Variants in STARD13 observed in about 807,000 individuals in gnomAD.
STARD13 encodes StAR related lipid transfer domain containing 13.
A neutral mutation model predicts 106.4 loss-of-function variants in STARD13; 62 were observed. The observed-to-expected ratio is 0.58, with a 90% CI of 0.48 to 0.72. STARD13 has a LOEUF of 0.72. Ranked by LOEUF, STARD13 falls within the 30% of genes least tolerant of loss-of-function variation. The pLI, the probability that STARD13 is intolerant of heterozygous loss-of-function variation, is 0.00. For synonymous variants in STARD13, 565 were observed against 553.0 expected, an observed-to-expected ratio of 1.02 and a Z score of -0.31; for missense variants, 1,387 against 1,424.0, an observed-to-expected ratio of 0.97 and a Z score of 0.42.
intron 1 of STARD13, among the ~76,000 whole-genome samples, chr13:33,242,682 C>T (rs1444284361): frequency 6.6e-6 from 1 of 151,938 alleles, no homozygotes; most frequent in Non-Finnish European, 1.5e-5. Context: ...GCTGACCTTC[C>T]CTCCACTATT....
chr13:33,662,170 G>A, the STARD13 span, among the ~76,000 whole-genome samples: 2 of 151,628 alleles, frequency 1.3e-5, no homozygotes, highest in African/African-American at 4.9e-5. Context: ...GCTGAGGCAG[G>A]AGAATGGCGT....
chr13:33,240,924 C>A (rs1889454875), intron 1 of STARD13, among the ~76,000 whole-genome samples: 1 of 152,092 alleles, frequency 6.6e-6, no homozygotes, highest in Non-Finnish European at 1.5e-5. Flanking sequence ...TTGTATCATG[C>A]AGCTTTGCTG....
chr13:33,309,886 C>G (rs1343394882), intron 1 of STARD13, among the ~76,000 whole-genome samples: 2 of 152,096 alleles, frequency 1.3e-5, no homozygotes, highest in African/African-American at 2.4e-5. Flanking sequence ...AAGCTCTGAC[C>G]CACCTGTTCC....
chr13:33,449,350 T>C, the STARD13 span, among the ~76,000 whole-genome samples: 1 of 152,220 alleles, frequency 6.6e-6, no homozygotes, highest in Non-Finnish European at 1.5e-5. Flanking sequence ...CACTATTTAT[T>C]GAAGAGACAT....
the STARD13 span, among the ~76,000 whole-genome samples, chr13:33,365,581 A>G: frequency 6.6e-6 from 1 of 152,214 alleles, no homozygotes; most frequent in African/African-American, 2.4e-5. Context: ...GAGTGAACAC[A>G]AGATTATCTA....
chr13:33,527,698 C>T, the STARD13 span, among the ~76,000 whole-genome samples: 19 of 151,840 alleles, frequency 1.3e-4, no homozygotes, highest in East Asian at 3.7e-3. Flanking sequence ...TAGGTAACCC[C>T]TTTGTTTAAA....
chr13:33,579,541 A>G, the STARD13 span, among the ~76,000 whole-genome samples: 3,351 of 152,002 alleles, frequency 0.022, 112 homozygotes, highest in African/African-American at 0.077. Context: ...GTACACAGCT[A>G]GGGTGACAGG....
chr13:33,585,839 A>G, the STARD13 span, among the ~76,000 whole-genome samples: 2 of 152,256 alleles, frequency 1.3e-5, no homozygotes, highest in Admixed American at 1.3e-4. Context: ...CAGATATAAA[A>G]GGAAAATATT....
In STARD13 at chr13:33,104,509, C is replaced by G. The variant is rs1403563368; in HGVS notation, c.*1084G>C. The G allele has an allele frequency of 1.3e-5, 2 of 152,584 alleles. No homozygotes were observed. Among genetic ancestry groups the G allele is most frequent in the Middle Eastern group, 3.2e-3 (1 of 316 alleles). 9.5% of individuals were successfully genotyped at this position (152,584 alleles called of 1,614,324 possible). On this transcript the variant is annotated 3_prime_UTR_variant, in exon 14 of 14. Transcript: ENST00000336934. ...ATAACAAAATATGAATTCCCTGAAG[C>G]TGTAACGATCTAGGATTTGAACGGA...
At chr13:33,664,906 G>A in the STARD13 span, among the ~76,000 whole-genome samples, 4 of 152,164 alleles carry the variant, frequency 2.6e-5, no homozygotes, top group South Asian at 4.1e-4. Context: ...GATTACAGGC[G>A]TGAGCCACTA....
chr13:33,350,297 C>T, exon 1 of STARD13: 2 of 1,531,320 alleles, frequency 1.3e-6, no homozygotes, highest in Non-Finnish European at 1.7e-6. Context: ...GACCTGCCAG[C>T]CGCCTCTCCC....
At chr13:33,560,609 A>G in the STARD13 span, among the ~76,000 whole-genome samples, 3 of 151,510 alleles carry the variant, frequency 2.0e-5, no homozygotes, top group Non-Finnish European at 4.4e-5. Flanking sequence ...GGGTTTTGGC[A>G]GCAACAGAGC....
chr13:33,123,829 G>A (rs530896142), intron 7 of STARD13, among the ~76,000 whole-genome samples: 69 of 152,280 alleles, frequency 4.5e-4, no homozygotes, highest in Admixed American at 3.0e-3. Context: ...CGGGGAGAAG[G>A]GCCCATCGCA....
At chr13:33,175,798 G>A (rs1234632568) in intron 1 of STARD13, among the ~76,000 whole-genome samples, 1 of 152,078 alleles carries the variant, frequency 6.6e-6, no homozygotes, top group African/African-American at 2.4e-5. Context: ...TTTTTTAAAT[G>A]TTAAAAAAAT....
At chr13:33,125,556 A>G (rs957821419) in intron 7 of STARD13, among the ~76,000 whole-genome samples, 5 of 152,250 alleles carry the variant, frequency 3.3e-5, no homozygotes, top group African/African-American at 4.8e-5. Flanking sequence ...TATTTGACTT[A>G]GCTGATACTT....
the STARD13 span, among the ~76,000 whole-genome samples, chr13:33,521,961 T>C: frequency 6.6e-6 from 1 of 152,128 alleles, no homozygotes; most frequent in Non-Finnish European, 1.5e-5. Context: ...AGTTATAGCA[T>C]TAAACTAAAG....
chr13:33,270,479 G>A (rs1344266780), intron 1 of STARD13, among the ~76,000 whole-genome samples: 2 of 152,126 alleles, frequency 1.3e-5, no homozygotes, highest in African/African-American at 4.8e-5. Context: ...CCTTCCATTT[G>A]AATTGATTTC....
At chr13:33,663,690 A>G in the STARD13 span, among the ~76,000 whole-genome samples, 1 of 152,200 alleles carries the variant, frequency 6.6e-6, no homozygotes, top group Non-Finnish European at 1.5e-5. Context: ...TGTTTTCTAC[A>G]TTGCCCAAGT....
the STARD13 span, among the ~76,000 whole-genome samples, chr13:33,480,452 G>A: frequency 6.6e-6 from 1 of 152,138 alleles, no homozygotes; most frequent in Non-Finnish European, 1.5e-5. Context: ...GGTACTTATG[G>A]TGGGTAGTAA....
Sources: gnomAD v4.1 joint callset for allele counts (sites outside exome capture counted in the v4.1 genomes callset) on GRCh38, gnomAD v4.1.1 for gene constraint, MANE v1.5 for transcripts, NCBI Gene and HGNC (gene_info 2026-07-23, HGNC 2026-07-21) for gene names.